Variants in ACACA observed in about 807,000 individuals in gnomAD.
ACACA encodes the protein acetyl-CoA carboxylase alpha, also known as acetyl-CoA carboxylase 1.
Under a neutral mutation model 296.1 loss-of-function variants are expected in ACACA, and 103 were observed. That is an observed-to-expected ratio of 0.35 (90% CI 0.30 to 0.41). ACACA has a LOEUF of 0.41. Ranked by LOEUF, ACACA falls within the 10% of genes least tolerant of loss-of-function variation. The probability of loss-of-function intolerance (pLI) is 1.00; values close to 1 mark genes in which losing one functional copy is unlikely to be tolerated. For missense variants in ACACA, 1,554 were observed against 2,989.7 expected, an observed-to-expected ratio of 0.52 and a Z score of 11.20; for synonymous variants, 953 against 1,038.6, an observed-to-expected ratio of 0.92 and a Z score of 1.58.
At chr17:37,131,037 T>C (rs1261467656) in intron 45 of ACACA, among the ~76,000 whole-genome samples, 1 of 151,294 alleles carries the variant, frequency 6.6e-6, no homozygotes, top group Non-Finnish European at 1.5e-5. Context: ...AAGCAACTCA[T>C]GATACATACA....
intron 52 of ACACA, among the ~76,000 whole-genome samples, chr17:37,100,511 A>G (rs2073295119): frequency 2.6e-5 from 4 of 152,294 alleles, no homozygotes; most frequent in Admixed American, 2.6e-4. Context: ...CTCACTCTTC[A>G]AAAATGTGAA....
At chr17:37,236,482 T>G (rs77529469) in intron 24 of ACACA, among the ~76,000 whole-genome samples, 3,371 of 152,050 alleles carry the variant, frequency 0.022, 121 homozygotes, top group African/African-American at 0.077. Context: ...TTTCTTGTTT[T>G]TTTTTTTTTT....
chr17:37,190,040 A>C (rs75323959), intron 38 of ACACA, among the ~76,000 whole-genome samples: 1 of 151,712 alleles, frequency 6.6e-6, no homozygotes, highest in East Asian at 1.9e-4. Flanking sequence ...AAAAAAAAAA[A>C]AGCAGCAGCA....
Position 37,259,341 on chromosome 17 carries a change from C to A in ACACA, c.1500+19G>T, listed in dbSNP as rs75820734. ...CTCTGACTTTTCTAGGCTCTGCAAC[C>A]CAGATCAGGGAGACTCACCTGGAGC... On this transcript the variant is annotated intron_variant, in intron 12 of 55. Coordinates refer to ENST00000616317, the MANE Select transcript of ACACA (RefSeq NM_198834.3). The A allele has an allele frequency of 6.2e-7, 1 of 1,613,954 alleles. No homozygotes were observed. Among genetic ancestry groups the A allele is most frequent in the Non-Finnish European group, 8.5e-7 (1 of 1,180,018 alleles).
At chr17:37,391,100 T>C (rs1196453637) in intron 1 of ACACA, among the ~76,000 whole-genome samples, 2 of 152,012 alleles carry the variant, frequency 1.3e-5, no homozygotes, top group South Asian at 2.1e-4. Flanking sequence ...TAGCCAGGCA[T>C]GGTGGCACAC....
rs2145248444 is a variant in ACACA at position 37,200,255 on chromosome 17, T to G, written c.4114-72A>C. 1.3e-5 allele frequency: 18 copies of G among 1,438,420 alleles called. No individual in the cohort carries two copies. The South Asian group carries it at 2.0e-4, about 16-fold the overall frequency. The allele number at this position is 1,438,420 out of a possible 1,614,324, so 89.1% of individuals were successfully genotyped here. A position where few individuals can be genotyped will look rare whatever the true frequency, so the allele number is the denominator to read the frequency against. ...AATTAGTAACAAAATCAAAAAGAAA[T>G]TGAGTAAAAGATGATGAGTTAAACT... is the stretch of plus-strand genomic sequence containing the variant. On this transcript the variant is annotated intron_variant, in intron 34 of 55. Coordinates refer to ENST00000616317, the MANE Select transcript of ACACA (RefSeq NM_198834.3).
chr17:37,137,553 A>G (rs905304939), intron 45 of ACACA, among the ~76,000 whole-genome samples: 2 of 152,222 alleles, frequency 1.3e-5, no homozygotes, highest in African/African-American at 2.4e-5. Flanking sequence ...CATGTGATCT[A>G]CCACATTTCT....
chr17:37,210,889 C>A (rs1254724213), intron 29 of ACACA, among the ~76,000 whole-genome samples: 1 of 151,790 alleles, frequency 6.6e-6, no homozygotes, highest in East Asian at 1.9e-4. Context: ...TTCTTAGAGA[C>A]TCTTCTTTCT....
At chr17:37,201,013 T>TC (rs1047787712) in intron 33 of ACACA, among the ~76,000 whole-genome samples, 3 of 152,160 alleles carry the variant, frequency 2.0e-5, no homozygotes, top group Middle Eastern at 3.4e-3. Context: ...GATACAACAG[T>TC]CCCCCCTTAC....
intron 3 of ACACA, among the ~76,000 whole-genome samples, chr17:37,328,246 T>C (rs1045116053): frequency 4.6e-5 from 7 of 152,174 alleles, no homozygotes; most frequent in Non-Finnish European, 8.8e-5. Flanking sequence ...TTTCTCCTCA[T>C]TGGGCCTTAG....
intron 45 of ACACA, among the ~76,000 whole-genome samples, chr17:37,134,221 G>A (rs2075235664): frequency 6.6e-6 from 1 of 152,194 alleles, no homozygotes; most frequent in Non-Finnish European, 1.5e-5. Context: ...GACAGCTCAG[G>A]TTTACCACAG....
intron 1 of ACACA, among the ~76,000 whole-genome samples, chr17:37,382,773 T>C (rs903191402): frequency 5.3e-5 from 8 of 152,076 alleles, no homozygotes; most frequent in Admixed American, 5.2e-4. Context: ...GACAGAAGAA[T>C]AGCTTGAACC....
intron 29 of ACACA, among the ~76,000 whole-genome samples, chr17:37,220,576 A>G (rs1054213994): frequency 6.6e-6 from 1 of 152,226 alleles, no homozygotes; most frequent in Admixed American, 6.5e-5. Context: ...AAATCCATGG[A>G]GGCAAAAATG....
At chr17:37,128,881 G>A (rs947215959) in intron 47 of ACACA, among the ~76,000 whole-genome samples, 1 of 152,166 alleles carries the variant, frequency 6.6e-6, no homozygotes, top group Non-Finnish European at 1.5e-5. Flanking sequence ...CATAAGAAGG[G>A]CACATGCAGC....
intron 23 of ACACA, among the ~76,000 whole-genome samples, chr17:37,241,310 G>A (rs1285411077): frequency 1.3e-5 from 2 of 152,062 alleles, no homozygotes; most frequent in African/African-American, 4.8e-5. Context: ...GGCTCCATAA[G>A]CTAAGAAGAA....
intron 14 of ACACA, among the ~76,000 whole-genome samples, chr17:37,253,555 C>G (rs1473847621): frequency 6.6e-6 from 1 of 152,010 alleles, no homozygotes. Context: ...AGTCAGAAAA[C>G]GTATGAATTC....
chr17:37,216,141 C>A lies in ACACA; in HGVS notation c.3683+5583G>T, dbSNP rs1353680120. Among the ~76,000 whole-genome samples the A allele has an allele frequency of 3.7e-5, 5 of 135,118 alleles. No individual in the cohort carries two copies. The Admixed American group carries it at 4.0e-4, about 11-fold the overall frequency. 88.6% of individuals were successfully genotyped at this position (135,118 alleles called of 152,430 possible). ...AAAAAAGGAAACACACACACACACA[C>A]ACACACACACACACACAACATACAC... On this transcript the variant is annotated intron_variant, in intron 29 of 55. Coordinates refer to ENST00000616317, the MANE Select transcript of ACACA (RefSeq NM_198834.3).
At position 37,185,402 on chromosome 17, in the gene ACACA, C is replaced by CTTTTTTTTTTTTT. The variant is rs67821579; in HGVS notation, c.4776+2862_4776+2874dup. Among the ~76,000 whole-genome samples, 32 of 48,438 alleles carry CTTTTTTTTTTTTT rather than the reference C, an allele frequency of 6.6e-4. 7 individuals are homozygous for CTTTTTTTTTTTTT. The highest frequency in any genetic ancestry group is 2.5e-3 in the African/African-American group (27 of 10,846). The allele number at this position is 48,438 out of a possible 152,430, so 31.8% of individuals were successfully genotyped here. ...TGCATGACACCATGCCTGGCTATTT[C>CTTTTTTTTTTTTT]TTTTTTTTTTTTTTTTTTTTTTTTT... On this transcript the variant is annotated intron_variant, in intron 39 of 55. Transcript: ENST00000616317.
chr17:37,293,831 C>T (rs976657291), intron 3 of ACACA, among the ~76,000 whole-genome samples: 39 of 152,146 alleles, frequency 2.6e-4, no homozygotes, highest in African/African-American at 7.2e-4. Flanking sequence ...TGAGCCACCA[C>T]GCCTGGCCAA....
Sources: allele counts gnomAD v4.1 joint callset (sites outside exome capture counted in the v4.1 genomes callset), GRCh38; gene constraint gnomAD v4.1.1; transcripts MANE v1.5; gene names NCBI Gene and HGNC (gene_info 2026-07-23, HGNC 2026-07-21).